Variants in LINGO2 observed in about 807,000 individuals in gnomAD.
LINGO2 encodes leucine-rich repeat and immunoglobulin-like domain-containing nogo receptor-interacting protein 2.
Under a neutral mutation model 30.6 loss-of-function variants are expected in LINGO2, and 14 were observed. The observed-to-expected ratio is 0.46, with a 90% CI of 0.30 to 0.72. The LOEUF (loss-of-function observed/expected upper bound fraction) is 0.72. Among genes scored for constraint, LINGO2 ranks in the 30% least tolerant of loss-of-function variants. LINGO2 has a pLI of 0.07. For synonymous variants in LINGO2, 317 were observed against 288.5 expected, an observed-to-expected ratio of 1.10 and a Z score of -1.00; for missense variants, 729 against 751.7, an observed-to-expected ratio of 0.97 and a Z score of 0.35.
intron 3 of LINGO2, among the ~76,000 whole-genome samples, chr9:28,308,208 G>A (rs1313477845): frequency 6.2e-5 from 8 of 128,554 alleles, no homozygotes; most frequent in African/African-American, 2.1e-4. Flanking sequence ...AACCAAAACA[G>A]CATGGTACTG....
intron 5 of LINGO2, among the ~76,000 whole-genome samples, chr9:28,004,162 G>A (rs1486644593): frequency 6.6e-6 from 1 of 151,088 alleles, no homozygotes; most frequent in Non-Finnish European, 1.5e-5. Flanking sequence ...TTGATACAGT[G>A]GTTTGTATTA....
the LINGO2 span, among the ~76,000 whole-genome samples, chr9:28,925,397 A>G: frequency 6.6e-6 from 1 of 152,224 alleles, no homozygotes; most frequent in Admixed American, 6.5e-5. Context: ...ACTAAAGGTC[A>G]GCCACACAGT....
At chr9:28,790,333 T>C in the LINGO2 span, among the ~76,000 whole-genome samples, 1 of 122,240 alleles carries the variant, frequency 8.2e-6, no homozygotes, top group Non-Finnish European at 1.7e-5. Context: ...TTCTTTTTTT[T>C]TTTTTTTTTT....
the LINGO2 span, among the ~76,000 whole-genome samples, chr9:28,863,227 T>G: frequency 6.6e-6 from 1 of 152,126 alleles, no homozygotes; most frequent in South Asian, 2.1e-4. Flanking sequence ...AACTATTTAA[T>G]TAATATATTA....
intron 1 of LINGO2, among the ~76,000 whole-genome samples, chr9:28,506,505 C>G (rs201584361): frequency 0.6 from 50,026 of 83,938 alleles, 17,073 homozygotes; most frequent in South Asian, 0.7. Context: ...CACACACAGA[C>G]ATATATATAT....
intron 1 of LINGO2, among the ~76,000 whole-genome samples, chr9:28,487,581 G>T (rs1826220500): frequency 6.6e-6 from 1 of 152,098 alleles, no homozygotes; most frequent in African/African-American, 2.4e-5. Context: ...CATGAAATGT[G>T]TTGGAAATGT....
chr9:28,811,723 A>C, the LINGO2 span, among the ~76,000 whole-genome samples: 2 of 152,160 alleles, frequency 1.3e-5, no homozygotes, highest in African/African-American at 4.8e-5. Context: ...TTCTTTAACC[A>C]TAATTTTGCA....
the LINGO2 span, among the ~76,000 whole-genome samples, chr9:28,860,623 C>CTA: frequency 6.6e-6 from 1 of 150,776 alleles, no homozygotes; most frequent in African/African-American, 2.4e-5. Flanking sequence ...ATTTCTCTCT[C>CTA]TATATATAAA....
At chr9:28,601,909 C>G (rs1231874047) in intron 1 of LINGO2, among the ~76,000 whole-genome samples, 2 of 152,012 alleles carry the variant, frequency 1.3e-5, no homozygotes, top group Non-Finnish European at 2.9e-5. Flanking sequence ...ACCAAAATAA[C>G]AGCTGGAAGT....
rs561378920 is a variant in LINGO2 at position 28,130,789 on chromosome 9, A to G, written c.-86-118384T>C. Reference sequence around the variant, plus strand: ...TCTGGGCCAAATGTGCAGAAATGGAAAAAGATTAGATTCTGAGAAGTAGTA... The same window carrying G: ...TCTGGGCCAAATGTGCAGAAATGGAGAAAGATTAGATTCTGAGAAGTAGTA... On this transcript the variant is annotated intron_variant, in intron 4 of 5. Coordinates refer to ENST00000379992, the Ensembl canonical transcript of LINGO2. This position sits in a 1 kb window ranked among gnomAD's most constrained non-coding sequence, Gnocchi z 5.2. Among the ~76,000 whole-genome samples the G allele has an allele frequency of 6.6e-6, 1 of 152,272 alleles. No homozygotes were observed. Among genetic ancestry groups the G allele is most frequent in the Admixed American group, 6.5e-5 (1 of 15,286 alleles).
the LINGO2 span, among the ~76,000 whole-genome samples, chr9:28,871,315 A>T: frequency 1.3e-5 from 2 of 151,630 alleles, no homozygotes; most frequent in Non-Finnish European, 2.9e-5. Context: ...CAATAGAACA[A>T]TATTCATAAT....
chr9:28,366,472 A>T (rs998592893), intron 3 of LINGO2, among the ~76,000 whole-genome samples: 6 of 152,168 alleles, frequency 3.9e-5, no homozygotes, highest in Non-Finnish European at 8.8e-5. Context: ...ACCAAAGCCA[A>T]ATTGCATCTC....
At chr9:28,001,554 C>T (rs1440441769) in intron 5 of LINGO2, among the ~76,000 whole-genome samples, 1 of 152,126 alleles carries the variant, frequency 6.6e-6, no homozygotes, top group Non-Finnish European at 1.5e-5. Context: ...TAATGGCAGA[C>T]ATAACTACAA....
the LINGO2 span, among the ~76,000 whole-genome samples, chr9:29,210,943 T>A: frequency 6.6e-6 from 1 of 151,932 alleles, no homozygotes; most frequent in Non-Finnish European, 1.5e-5. Context: ...CTAAAGAACA[T>A]CTCCTTCTTT....
At chr9:27,971,653 T>C (rs908112810) in intron 5 of LINGO2, among the ~76,000 whole-genome samples, 2 of 152,130 alleles carry the variant, frequency 1.3e-5, no homozygotes, top group Admixed American at 1.3e-4. Context: ...CCTCCCAAAG[T>C]GCTGGGATTA....
At chr9:28,092,148 A>G (rs1408277587) in intron 4 of LINGO2, among the ~76,000 whole-genome samples, 1 of 152,150 alleles carries the variant, frequency 6.6e-6, no homozygotes, top group Non-Finnish European at 1.5e-5. Flanking sequence ...CGATTCCTCA[A>G]GGATCTAGAA....
intron 1 of LINGO2, among the ~76,000 whole-genome samples, chr9:28,631,293 A>G (rs766549798): frequency 6.6e-5 from 10 of 151,538 alleles, no homozygotes; most frequent in Non-Finnish European, 1.3e-4. Flanking sequence ...ATATCCCCCA[A>G]TGCCATACCT....
At chr9:28,346,070 C>T (rs976449255) in intron 3 of LINGO2, among the ~76,000 whole-genome samples, 2 of 152,042 alleles carry the variant, frequency 1.3e-5, no homozygotes, top group East Asian at 3.9e-4. Flanking sequence ...TTTAAAAAAG[C>T]TTTTATTTTA....
intron 4 of LINGO2, among the ~76,000 whole-genome samples, chr9:28,256,388 T>C (rs1291352688): frequency 6.6e-6 from 1 of 151,936 alleles, no homozygotes; most frequent in East Asian, 1.9e-4. Flanking sequence ...AGGACAAATA[T>C]GTCCTTCATG....
Sources: gnomAD v4.1 joint callset for allele counts (sites outside exome capture counted in the v4.1 genomes callset) on GRCh38, gnomAD v4.1.1 for gene constraint, Gnocchi (gnomAD v3.1) non-coding constraint, MANE v1.5 for transcripts, NCBI Gene and HGNC (gene_info 2026-07-23, HGNC 2026-07-21) for gene names.